The following POT1 variants were observed in gnomAD, a reference collection of about 807,000 sequenced individuals.
POT1 encodes protection of telomeres protein 1.
POT1 carries 47 observed loss-of-function variants against 78.5 expected under a neutral mutation model. That is an observed-to-expected ratio of 0.60 (90% CI 0.47 to 0.76). POT1 has a LOEUF of 0.76. Ranked by LOEUF, POT1 falls within the 30% of genes least tolerant of loss-of-function variation. The probability of loss-of-function intolerance (pLI) is 0.00; values close to 1 mark genes in which losing one functional copy is unlikely to be tolerated. For synonymous variants in POT1, 259 were observed against 260.7 expected (o/e 0.99, Z 0.06); for missense variants, 646 against 749.9 (o/e 0.86, Z 1.62).
At chr7:124,849,206 A>G (rs888310898) in intron 11 of POT1, among the ~76,000 whole-genome samples, 4 of 152,192 alleles carry the variant, frequency 2.6e-5, no homozygotes, top group Admixed American at 2.0e-4. Context: ...TTAGTAATTA[A>G]TATTGGCCAT....
At chr7:124,925,795 T>C (rs1563026411) in intron 2 of POT1, among the ~76,000 whole-genome samples, 1 of 151,846 alleles carries the variant, frequency 6.6e-6, no homozygotes, top group Admixed American at 6.6e-5. Context: ...AAACCAGAAA[T>C]AAAGTCAAAT....
At chr7:124,854,335 T>G (rs1317860125) in intron 9 of POT1, among the ~76,000 whole-genome samples, 1 of 151,908 alleles carries the variant, frequency 6.6e-6, no homozygotes, top group Non-Finnish European at 1.5e-5. Flanking sequence ...ACTGAATAAT[T>G]GGAAAGCAAA....
intron 5 of POT1, among the ~76,000 whole-genome samples, chr7:124,895,692 G>T (rs1269721173): frequency 6.6e-6 from 1 of 151,594 alleles, no homozygotes; most frequent in Non-Finnish European, 1.5e-5. Flanking sequence ...GTCTTAGAAG[G>T]TCTATTTGAA....
chr7:124,866,772 C>T (rs897868651), intron 7 of POT1, among the ~76,000 whole-genome samples: 7 of 152,136 alleles, frequency 4.6e-5, no homozygotes, highest in African/African-American at 1.7e-4. Context: ...TACCCATTGT[C>T]CGATGCCTAA....
At chr7:124,896,786 A>G (rs1002000752) in intron 5 of POT1, among the ~76,000 whole-genome samples, 1 of 151,772 alleles carries the variant, frequency 6.6e-6, no homozygotes, top group Admixed American at 6.6e-5. Flanking sequence ...GTTCAATTAT[A>G]TAATTCAGCA....
chr7:124,825,188 T>TA, intron 18 of POT1, 64 bp downstream of exon 18: 1 of 1,042,520 alleles, frequency 9.6e-7, no homozygotes, highest in Non-Finnish European at 1.5e-6. Flanking sequence ...GTCCACAGAG[T>TA]ACATATATGT....
At chr7:124,902,565 A>C (rs1796648244) in intron 3 of POT1, among the ~76,000 whole-genome samples, 1 of 152,252 alleles carries the variant, frequency 6.6e-6, no homozygotes, top group Admixed American at 6.5e-5. Flanking sequence ...CAGCCAATGC[A>C]AAAACATGCC....
chr7:124,829,175 A>G, intron 16 of POT1, 79 bp downstream of exon 16: 3 of 944,168 alleles, frequency 3.2e-6, no homozygotes, highest in Non-Finnish European at 1.7e-6. Flanking sequence ...GTATACTTTC[A>G]GGTATACTGA....
intron 2 of POT1, among the ~76,000 whole-genome samples, chr7:124,923,828 A>C (rs536831448): frequency 6.6e-6 from 1 of 151,918 alleles, no homozygotes; most frequent in Admixed American, 6.6e-5. Flanking sequence ...TATAAAACTA[A>C]CTGGACTTTT....
chr7:124,914,321 G>A (rs1019684933), intron 3 of POT1, among the ~76,000 whole-genome samples: 1 of 151,976 alleles, frequency 6.6e-6, no homozygotes, highest in African/African-American at 2.4e-5. Context: ...GCAATTTGAA[G>A]CCCCTTGAAA....
At chr7:124,844,563 C>T (rs199896221) in intron 12 of POT1, among the ~76,000 whole-genome samples, 5 of 150,266 alleles carry the variant, frequency 3.3e-5, no homozygotes, top group African/African-American at 7.3e-5. Context: ...GGTGAAACCC[C>T]GTCTCTACTA....
In POT1 at chr7:124,825,287, A is replaced by G. The variant is rs1794602477; in HGVS notation, c.1757T>C (p.Ile586Thr). Residue 586 changes from isoleucine (I) to threonine (T), a missense_variant, in exon 18 of 19, where the codon ATC (isoleucine) becomes ACC (threonine). Coordinates refer to ENST00000357628, the MANE Select transcript of POT1 (RefSeq NM_015450.3). The stretch of plus-strand genomic sequence containing the variant: ...TCCTGGAGGACAAAACATATCCATG[A>G]TCATATCCACACTTTTCTGAAGGTC... ...DDDLQKSVDMIMDMFCPPGIK... is the reference protein window; with the variant it reads ...DDDLQKSVDMTMDMFCPPGIK... The G allele has an allele frequency of 6.2e-7, 1 of 1,610,384 alleles. No individual in the cohort carries two copies. The highest frequency in any genetic ancestry group is 8.5e-7 in the Non-Finnish European group (1 of 1,178,234).
At chr7:124,917,782 G>A (rs771360578) in intron 2 of POT1, among the ~76,000 whole-genome samples, 3 of 152,086 alleles carry the variant, frequency 2.0e-5, no homozygotes, top group Non-Finnish European at 2.9e-5. Flanking sequence ...TATTGGAATG[G>A]GCCACACTGG....
rs559779323 is a variant in POT1, at chr7:124,924,920, T to G, written c.-227+3895A>C. ...TTTGATAAAATTCATCTTCCATTCA[T>G]GACAAAAATCCTCAACAAACTAGAT... On this transcript the variant is annotated intron_variant, in intron 2 of 18. Transcript: ENST00000357628. Among the ~76,000 whole-genome samples the G allele has an allele frequency of 3.9e-5, 6 of 152,146 alleles. No homozygotes were observed. In the South Asian group the frequency reaches 1.2e-3, roughly 32 times the overall value.
intron 6 of POT1, among the ~76,000 whole-genome samples, chr7:124,877,774 A>G (rs914300572): frequency 6.7e-4 from 95 of 142,540 alleles, no homozygotes; most frequent in African/African-American, 2.4e-3. Context: ...CAGAGCTTGC[A>G]GTGAGCTGAG....
chr7:124,885,767 A>AAAAT (rs905118673), intron 6 of POT1, among the ~76,000 whole-genome samples: 2 of 118,514 alleles, frequency 1.7e-5, no homozygotes, highest in African/African-American at 6.7e-5. Context: ...CTCCGTCTCA[A>AAAAT]AAATAAATAA....
chr7:124,878,512 G>A (rs931289262), intron 6 of POT1, among the ~76,000 whole-genome samples: 3 of 152,166 alleles, frequency 2.0e-5, no homozygotes, highest in Admixed American at 6.5e-5. Flanking sequence ...AGTATGTGAT[G>A]TAATGGATAT....
intron 3 of POT1, among the ~76,000 whole-genome samples, chr7:124,913,432 T>C (rs1296687833): frequency 6.6e-6 from 1 of 152,214 alleles, no homozygotes; most frequent in African/African-American, 2.4e-5. Context: ...ACACTGTCTT[T>C]TCATGTTCAT....
intron 16 of POT1, among the ~76,000 whole-genome samples, chr7:124,828,615 T>C (rs542786438): frequency 6.6e-6 from 1 of 152,196 alleles, no homozygotes; most frequent in East Asian, 1.9e-4. Flanking sequence ...AAGATGAACT[T>C]AGCACCTACT....
Sources: allele counts gnomAD v4.1 joint callset (sites outside exome capture counted in the v4.1 genomes callset), GRCh38; gene constraint gnomAD v4.1.1; transcripts MANE v1.5; gene names NCBI Gene and HGNC (gene_info 2026-07-23, HGNC 2026-07-21).